Variants in GABRA5 observed in about 807,000 individuals in gnomAD.
GABRA5 encodes the protein gamma-aminobutyric acid type A receptor subunit alpha5.
A neutral mutation model predicts 47.3 loss-of-function variants in GABRA5; 18 were observed. The observed-to-expected ratio is 0.38, with a 90% CI of 0.26 to 0.56. GABRA5 has a LOEUF of 0.56. Ranked by LOEUF, GABRA5 falls within the 20% of genes least tolerant of loss-of-function variation. The pLI, the probability that GABRA5 is intolerant of heterozygous loss-of-function variation, is 0.71. For missense variants in GABRA5, 365 were observed against 599.3 expected (o/e 0.61, Z 4.08); for synonymous variants, 237 against 229.3 (o/e 1.03, Z -0.30).
chr15:26,868,507 C>T (rs1355473796), intron 1 of GABRA5, among the ~76,000 whole-genome samples: 3 of 152,172 alleles, frequency 2.0e-5, no homozygotes, highest in Non-Finnish European at 4.4e-5. Flanking sequence ...AGTCGTTGAG[C>T]CCAGGGACAA....
At chr15:26,937,063 A>G (rs2140580605) in intron 7 of GABRA5, 122 bp from the exon 8 acceptor site, 1 of 1,245,130 alleles carries the variant, frequency 8.0e-7, no homozygotes. Flanking sequence ...TTTTTAGGTC[A>G]TGGAACCTTG....
rs79439654 is a variant in GABRA5 at position 26,944,015 on chromosome 15, G to A, written c.1089+589G>A. Reference sequence around the variant, plus strand: ...CCTTGGGGAGATAAGAATAACATTCGTGGACGGTAAATAAAGCAGCATGTG... The same window carrying A: ...CCTTGGGGAGATAAGAATAACATTCATGGACGGTAAATAAAGCAGCATGTG... On this transcript the variant is annotated intron_variant, in intron 10 of 10. Coordinates refer to ENST00000335625, the MANE Select transcript of GABRA5 (RefSeq NM_000810.4). Among the ~76,000 whole-genome samples, 149 of 152,312 alleles carry A rather than the reference G, an allele frequency of 9.8e-4. 2 individuals carry two copies. Among genetic ancestry groups the A allele is most frequent in the South Asian group, 3.7e-3 (18 of 4,832 alleles).
intron 8 of GABRA5, chr15:26,939,274 A>G (rs1287696378): frequency 6.5e-6 from 5 of 765,216 alleles, no homozygotes; most frequent in East Asian, 4.8e-5. Context: ...TCAGCAATGA[A>G]TGGGAGGTCT....
chr15:26,947,798 G>A (rs137955735), intron 10 of GABRA5, 136 bp from the exon 11 acceptor site: 10 of 710,386 alleles, frequency 1.4e-5, no homozygotes, highest in Admixed American at 2.9e-5. Flanking sequence ...GCTACCTGGC[G>A]ACATCAGTGG....
chr15:26,925,946 G>A (rs924165701), intron 7 of GABRA5, among the ~76,000 whole-genome samples: 5 of 152,192 alleles, frequency 3.3e-5, no homozygotes, highest in Admixed American at 6.5e-5. Flanking sequence ...ATTGAGGGGC[G>A]AGTTAGAGAT....
At chr15:26,943,930 TA>T (rs1894449494) in intron 10 of GABRA5, among the ~76,000 whole-genome samples, 1 of 152,296 alleles carries the variant, frequency 6.6e-6, no homozygotes, top group East Asian at 1.9e-4. Context: ...ACCAAGTATT[TA>T]AAGGATGATT....
At chr15:26,870,443 CT>C (rs1204587428) in intron 3 of GABRA5, among the ~76,000 whole-genome samples, 1 of 152,208 alleles carries the variant, frequency 6.6e-6, no homozygotes, top group Non-Finnish European at 1.5e-5. Context: ...TCAGCTGAGA[CT>C]TTGTCCAGCA....
chr15:26,920,101 C>G (rs150497199), intron 7 of GABRA5, among the ~76,000 whole-genome samples: 1 of 152,042 alleles, frequency 6.6e-6, no homozygotes, highest in African/African-American at 2.4e-5. Context: ...ATTTGGAATC[C>G]TCTGTACTTC....
intron 6 of GABRA5, among the ~76,000 whole-genome samples, chr15:26,896,099 C>T (rs1381877370): frequency 6.6e-6 from 1 of 152,182 alleles, no homozygotes; most frequent in Non-Finnish European, 1.5e-5. Context: ...GCTGACCGCT[C>T]CTTTGCCCGA....
chr15:26,925,655 G>C (rs898005351), intron 7 of GABRA5, among the ~76,000 whole-genome samples: 2 of 152,032 alleles, frequency 1.3e-5, no homozygotes, highest in Non-Finnish European at 2.9e-5. Context: ...AGTCTGCACT[G>C]ATTGCGTTTT....
At position 26,912,193 on chromosome 15, in the gene GABRA5, A is replaced by C. The variant is rs7172750; in HGVS notation, c.498-2610A>C. On this transcript the variant is annotated intron_variant, in intron 6 of 10. Coordinates refer to ENST00000335625, the MANE Select transcript of GABRA5 (RefSeq NM_000810.4). ...CACAGTGCTGTTTCCTCGTGTGCTCATCTTCACATTTATTGCTATGGATCT... is the reference window on the plus strand; with the variant it reads ...CACAGTGCTGTTTCCTCGTGTGCTCCTCTTCACATTTATTGCTATGGATCT... 3.2e-3 allele frequency among the ~76,000 whole-genome samples: 484 copies of C among 152,138 alleles called. 4 individuals carry two copies. Among genetic ancestry groups the C allele is most frequent in the African/African-American group, 0.011 (473 of 41,512 alleles).
intron 10 of GABRA5, among the ~76,000 whole-genome samples, chr15:26,946,961 C>T (rs72712084): frequency 0.4 from 61,106 of 152,026 alleles, 12,836 homozygotes; most frequent in Middle Eastern, 0.59. Flanking sequence ...CTGATATACA[C>T]AGCAATATGG....
intron 10 of GABRA5, among the ~76,000 whole-genome samples, chr15:26,944,706 G>A (rs114657800): frequency 0.019 from 2,848 of 152,310 alleles, 95 homozygotes; most frequent in African/African-American, 0.066. Flanking sequence ...GAACGAGAAT[G>A]GAGTCTGGGG....
intron 6 of GABRA5, among the ~76,000 whole-genome samples, chr15:26,907,772 A>G (rs1435362659): frequency 6.6e-6 from 1 of 152,182 alleles, no homozygotes; most frequent in East Asian, 1.9e-4. Flanking sequence ...GTTTTCATAT[A>G]GTTGACTGAG....
intron 3 of GABRA5, among the ~76,000 whole-genome samples, chr15:26,871,675 T>C (rs1350097363): frequency 3.3e-5 from 5 of 152,190 alleles, no homozygotes; most frequent in Admixed American, 6.5e-5. Context: ...TTTTATACAG[T>C]TGGGATCAGG....
At chr15:26,931,289 T>A (rs1664316465) in intron 7 of GABRA5, among the ~76,000 whole-genome samples, 2 of 152,180 alleles carry the variant, frequency 1.3e-5, no homozygotes, top group African/African-American at 4.8e-5. Flanking sequence ...TTCTCACAGT[T>A]CTGCAGGCTG....
chr15:26,922,725 G>A (rs1893872008), intron 7 of GABRA5, among the ~76,000 whole-genome samples: 1 of 151,976 alleles, frequency 6.6e-6, no homozygotes, highest in South Asian at 2.1e-4. Context: ...TTGCTGTATA[G>A]CTTTTTCAGT....
chr15:26,886,076 A>G (rs937159086), intron 6 of GABRA5, among the ~76,000 whole-genome samples: 3 of 152,044 alleles, frequency 2.0e-5, no homozygotes, highest in Admixed American at 1.3e-4. Context: ...CTGGAGTACA[A>G]TGGCACGATC....
At chr15:26,918,107 T>C (rs544090209) in intron 7 of GABRA5, among the ~76,000 whole-genome samples, 2 of 152,262 alleles carry the variant, frequency 1.3e-5, no homozygotes, top group Admixed American at 1.3e-4. Context: ...TAGTTTGTGC[T>C]TCTTTTTCTA....
Sources: gnomAD v4.1 joint callset for allele counts (sites outside exome capture counted in the v4.1 genomes callset) on GRCh38, gnomAD v4.1.1 for gene constraint, MANE v1.5 for transcripts, NCBI Gene and HGNC (gene_info 2026-07-23, HGNC 2026-07-21) for gene names.